CPXM2: variants seen among roughly 807,000 people sequenced by gnomAD.
CPXM2 encodes the protein inactive carboxypeptidase-like protein X2.
Under a neutral mutation model 86.1 loss-of-function variants are expected in CPXM2, and 66 were observed. That is an observed-to-expected ratio of 0.77 (90% CI 0.63 to 0.94). CPXM2 has a LOEUF of 0.94. Among genes scored for constraint, CPXM2 ranks in the 40% least tolerant of loss-of-function variants. The pLI, the probability that CPXM2 is intolerant of heterozygous loss-of-function variation, is 0.00. For missense variants in CPXM2, 948 were observed against 1,026.3 expected, an observed-to-expected ratio of 0.92 and a Z score of 1.04; for synonymous variants, 388 against 400.2, an observed-to-expected ratio of 0.97 and a Z score of 0.36.
At chr10:123,867,837 C>T (rs1010496439) in intron 2 of CPXM2, among the ~76,000 whole-genome samples, 2 of 152,138 alleles carry the variant, frequency 1.3e-5, no homozygotes, top group Admixed American at 1.3e-4. Context: ...CCGGCCCATC[C>T]TAGAGATTTT....
intron 8 of CPXM2, chr10:123,769,682 CCTT>C (rs1362869720): frequency 2.0e-5 from 3 of 152,254 alleles, no homozygotes; most frequent in Non-Finnish European, 4.4e-5. Context: ...GCACTTTTGA[CCTT>C]CTGCTCCTGC....
At chr10:123,828,646 T>G (rs144555735) in intron 4 of CPXM2, among the ~76,000 whole-genome samples, 6 of 152,354 alleles carry the variant, frequency 3.9e-5, no homozygotes, top group African/African-American at 1.4e-4. Flanking sequence ...CTCTGGTATG[T>G]CTTTATCAGC....
intron 1 of CPXM2, among the ~76,000 whole-genome samples, chr10:123,890,150 A>AT: frequency 6.6e-6 from 1 of 152,224 alleles, no homozygotes. Flanking sequence ...TTCTACAAAT[A>AT]TAAGTCTCTT....
chr10:123,848,698 C>T (rs1471978396), intron 3 of CPXM2, among the ~76,000 whole-genome samples: 3 of 152,164 alleles, frequency 2.0e-5, no homozygotes, highest in Non-Finnish European at 4.4e-5. Context: ...ATTATTAATT[C>T]ATTTATGAGT....
At chr10:123,757,169 C>G (rs150986869) in intron 12 of CPXM2, 44 bp downstream of exon 12, 4 of 1,588,504 alleles carry the variant, frequency 2.5e-6, no homozygotes, top group Non-Finnish European at 3.5e-6. Flanking sequence ...CAGCCTCATC[C>G]CCCAGCTAGT....
chr10:123,792,720 T>C (rs376764431), intron 6 of CPXM2, among the ~76,000 whole-genome samples: 1 of 152,296 alleles, frequency 6.6e-6, no homozygotes, highest in African/African-American at 2.4e-5. Context: ...GAAACGCTGA[T>C]TGCCCAGGCT....
At chr10:123,916,436 C>T (rs2134274845) in intron 2 of CPXM2, among the ~76,000 whole-genome samples, 1 of 152,298 alleles carries the variant, frequency 6.6e-6, no homozygotes, top group East Asian at 1.9e-4. Flanking sequence ...TAGCTAAGCA[C>T]TCCCACCCCA....
chr10:123,768,376 A>AAAATAAATAAAT (rs57827983), intron 9 of CPXM2, 150 bp downstream of exon 9: 105 of 322,190 alleles, frequency 3.3e-4, no homozygotes, highest in Admixed American at 1.4e-3. Flanking sequence ...TCCGACTCAA[A>AAAATAAATAAAT]AAATAAATAA....
chr10:123,896,745 C>T (rs977429520), upstream of CPXM2, among the ~76,000 whole-genome samples: 4 of 152,322 alleles, frequency 2.6e-5, no homozygotes, highest in South Asian at 8.3e-4. Flanking sequence ...GAACAGGCAC[C>T]CAGGGAGACA....
intron 4 of CPXM2, among the ~76,000 whole-genome samples, chr10:123,829,134 A>C (rs918938458): frequency 6.6e-6 from 1 of 152,230 alleles, no homozygotes; most frequent in Non-Finnish European, 1.5e-5. Context: ...CAACATCGCT[A>C]GCTATTAAAG....
chr10:123,795,123 C>T (rs1462903357), intron 6 of CPXM2, among the ~76,000 whole-genome samples: 1 of 152,104 alleles, frequency 6.6e-6, no homozygotes, highest in African/African-American at 2.4e-5. Flanking sequence ...ACCACTTGAC[C>T]ATTTTTCCAG....
chr10:123,895,545 C>T (rs1314343490), upstream of CPXM2, among the ~76,000 whole-genome samples: 4 of 152,244 alleles, frequency 2.6e-5, no homozygotes, highest in Admixed American at 1.3e-4. Context: ...ATTTCAATAA[C>T]TCCTTCTGCA....
intron 2 of CPXM2, among the ~76,000 whole-genome samples, chr10:123,922,729 G>C (rs1375921525): frequency 6.6e-6 from 1 of 152,256 alleles, no homozygotes; most frequent in Non-Finnish European, 1.5e-5. Flanking sequence ...TTTGGGATGG[G>C]GAGGGAAGTT....
intron 4 of CPXM2, among the ~76,000 whole-genome samples, chr10:123,807,319 T>C (rs1203295232): frequency 1.3e-5 from 2 of 152,142 alleles, no homozygotes; most frequent in African/African-American, 4.8e-5. Context: ...TAATAATTAA[T>C]TAAATCTTCA....
At chr10:123,775,175 G>A (rs1846752867) in intron 7 of CPXM2, among the ~76,000 whole-genome samples, 2 of 152,300 alleles carry the variant, frequency 1.3e-5, no homozygotes, top group South Asian at 4.2e-4. Context: ...ATGAGAACCA[G>A]TGCATCTCTG....
At chr10:123,917,416 G>C (rs1945542094) in intron 2 of CPXM2, among the ~76,000 whole-genome samples, 1 of 152,198 alleles carries the variant, frequency 6.6e-6, no homozygotes, top group Admixed American at 6.5e-5. Flanking sequence ...AAAGACATCA[G>C]GGAGTTGGAG....
chr10:123,874,183 G>A (rs1484456469), intron 2 of CPXM2, among the ~76,000 whole-genome samples: 1 of 152,036 alleles, frequency 6.6e-6, no homozygotes, highest in African/African-American at 2.4e-5. Context: ...ATTTCTAAAA[G>A]CCGAGAAGTC....
intron 3 of CPXM2, among the ~76,000 whole-genome samples, chr10:123,855,024 C>G (rs1044561959): frequency 6.6e-6 from 1 of 151,672 alleles, no homozygotes; most frequent in African/African-American, 2.4e-5. Context: ...TATGTCTACA[C>G]TGTAAGCTTC....
At chr10:123,878,506 C>CGTGTGTGTGT (rs200009107) in intron 2 of CPXM2, among the ~76,000 whole-genome samples, 97 of 134,878 alleles carry the variant, frequency 7.2e-4, no homozygotes, top group African/African-American at 1.7e-3. Context: ...CAAATTCAGA[C>CGTGTGTGTGT]GTGTGTGTGT....
Sources: allele counts gnomAD v4.1 joint callset (sites outside exome capture counted in the v4.1 genomes callset), GRCh38; gene constraint gnomAD v4.1.1; transcripts MANE v1.5; gene names NCBI Gene and HGNC (gene_info 2026-07-23, HGNC 2026-07-21).